Variants in FHIT observed in about 807,000 individuals in gnomAD.
The protein encoded by FHIT is fragile histidine triad diadenosine triphosphatase.
Under a neutral mutation model 17.9 loss-of-function variants are expected in FHIT, and 19 were observed. The observed-to-expected ratio is 1.06, with a 90% CI of 0.74 to 1.56. The LOEUF (loss-of-function observed/expected upper bound fraction) is 1.56, where lower values mean the gene tolerates loss of function less well. Among genes scored for constraint, FHIT ranks in the 40% most tolerant of loss-of-function variants. FHIT has a pLI of 0.00. For synonymous variants in FHIT, 81 were observed against 69.7 expected, an observed-to-expected ratio of 1.16 and a Z score of -0.81; for missense variants, 248 against 189.2, an observed-to-expected ratio of 1.31 and a Z score of -1.82.
intron 5 of FHIT, among the ~76,000 whole-genome samples, chr3:60,137,738 A>C (rs1037993745): frequency 1.4e-5 from 2 of 140,796 alleles, no homozygotes; most frequent in African/African-American, 6.1e-5. Flanking sequence ...CACTTCAGAC[A>C]AGTCAGCACT....
chr3:60,466,084 C>T (rs1054014682), intron 5 of FHIT, among the ~76,000 whole-genome samples: 20 of 152,064 alleles, frequency 1.3e-4, no homozygotes, highest in Middle Eastern at 3.4e-3. Context: ...TTATAGATTT[C>T]ACTGTGGACA....
intron 4 of FHIT, among the ~76,000 whole-genome samples, chr3:60,658,320 T>C (rs986824239): frequency 1.3e-5 from 2 of 152,186 alleles, no homozygotes; most frequent in Non-Finnish European, 2.9e-5. Context: ...TGTCCCATTT[T>C]GCTATTGATT....
intron 4 of FHIT, among the ~76,000 whole-genome samples, chr3:60,604,253 G>A (rs1158425): frequency 0.76 from 115,420 of 152,088 alleles, 44,126 homozygotes; most frequent in African/African-American, 0.84. Flanking sequence ...AATTAATTAA[G>A]TACTTTTGAC....
chr3:60,759,601 G>T (rs1310680720), intron 4 of FHIT, among the ~76,000 whole-genome samples: 1 of 152,186 alleles, frequency 6.6e-6, no homozygotes, highest in Non-Finnish European at 1.5e-5. Context: ...AAAAAGGCCA[G>T]TGTGGTTAAG....
At position 60,663,032 on chromosome 3, in the gene FHIT, A is replaced by C. The variant is rs183700172; in HGVS notation, c.-17-126053T>G. On this transcript the variant is annotated intron_variant, in intron 4 of 9. Coordinates refer to ENST00000492590, the MANE Select transcript of FHIT (RefSeq NM_002012.4). ...TGCTTTTGCATCTTTGTCAAAAATCATTTGAGCCTATTTATGGAAGTCTAT... is the reference window on the plus strand; with the variant it reads ...TGCTTTTGCATCTTTGTCAAAAATCCTTTGAGCCTATTTATGGAAGTCTAT... Among the ~76,000 whole-genome samples the C allele has an allele frequency of 8.9e-4, 134 of 151,176 alleles. 1 individual carries two copies. Among genetic ancestry groups the C allele is most frequent in the African/African-American group, 3.1e-3 (128 of 41,190 alleles).
At chr3:60,298,673 G>GGC (rs1708317359) in intron 5 of FHIT, among the ~76,000 whole-genome samples, 1 of 151,970 alleles carries the variant, frequency 6.6e-6, no homozygotes, top group African/African-American at 2.4e-5. Flanking sequence ...ATCACAAAGT[G>GGC]GTATTAAATT....
rs115683043 is a variant in FHIT, at chr3:59,774,986, C to T, written c.349-22665G>A. ...GAGCTTAGGCTTCATCTCAGACCGA[C>T]TGAACTAAAAACTCTATTTTAACAA... On this transcript the variant is annotated intron_variant, in intron 8 of 9. Coordinates refer to ENST00000492590, the MANE Select transcript of FHIT (RefSeq NM_002012.4). Among the ~76,000 whole-genome samples, 207 of 152,306 alleles carry T rather than the reference C, an allele frequency of 1.4e-3. 2 individuals carry two copies. Among genetic ancestry groups the T allele is most frequent in the Non-Finnish European group, 2.2e-3 (148 of 68,020 alleles).
chr3:60,292,781 C>G (rs1708045437), intron 5 of FHIT, among the ~76,000 whole-genome samples: 1 of 152,016 alleles, frequency 6.6e-6, no homozygotes, highest in Admixed American at 6.6e-5. Context: ...AAAAAGTGTG[C>G]AACTCTTTTA....
At chr3:59,951,471 T>C (rs74461300) in intron 7 of FHIT, among the ~76,000 whole-genome samples, 6,904 of 152,282 alleles carry the variant, frequency 0.045, 222 homozygotes, top group Admixed American at 0.098. Context: ...CACTTTCTGC[T>C]AATTGTCTTT....
At chr3:60,322,221 C>A (rs936571170) in intron 5 of FHIT, among the ~76,000 whole-genome samples, 1 of 152,100 alleles carries the variant, frequency 6.6e-6, no homozygotes, top group Non-Finnish European at 1.5e-5. Flanking sequence ...TCAGGAGATC[C>A]TGGAGTATAT....
chr3:60,084,240 T>C (rs185493674), intron 5 of FHIT, among the ~76,000 whole-genome samples: 7 of 152,300 alleles, frequency 4.6e-5, no homozygotes, highest in East Asian at 3.9e-4. Flanking sequence ...TTGTAGTCTT[T>C]GAATTTATTT....
At chr3:59,820,816 A>C (rs746160469) in intron 8 of FHIT, among the ~76,000 whole-genome samples, 18 of 152,180 alleles carry the variant, frequency 1.2e-4, no homozygotes, top group Non-Finnish European at 1.5e-5. Flanking sequence ...GCAAGAGAAA[A>C]GAACAATGTG....
At chr3:60,286,411 G>C (rs964827707) in intron 5 of FHIT, among the ~76,000 whole-genome samples, 8 of 152,006 alleles carry the variant, frequency 5.3e-5, no homozygotes, top group Admixed American at 4.6e-4. Flanking sequence ...TTTTATCTCA[G>C]AATTCTAAGT....
chr3:60,212,738 G>A (rs1340232560), intron 5 of FHIT, among the ~76,000 whole-genome samples: 1 of 152,120 alleles, frequency 6.6e-6, no homozygotes, highest in Non-Finnish European at 1.5e-5. Context: ...ACAGAGGACA[G>A]GAAATAATAC....
chr3:60,261,366 C>A (rs762267211), intron 5 of FHIT, among the ~76,000 whole-genome samples: 1 of 151,852 alleles, frequency 6.6e-6, no homozygotes, highest in Non-Finnish European at 1.5e-5. Context: ...TGGTACCAAT[C>A]GCAAGGAACG....
chr3:61,093,723 A>C (rs1314480509), intron 2 of FHIT, among the ~76,000 whole-genome samples: 1 of 152,182 alleles, frequency 6.6e-6, no homozygotes, highest in East Asian at 1.9e-4. Context: ...ATGTAACATC[A>C]CCTACCTCAA....
chr3:60,212,510 G>C (rs1703501373), intron 5 of FHIT, among the ~76,000 whole-genome samples: 1 of 151,966 alleles, frequency 6.6e-6, no homozygotes, highest in Non-Finnish European at 1.5e-5. Context: ...ATCTATTTTG[G>C]GATAATATAA....
intron 4 of FHIT, among the ~76,000 whole-genome samples, chr3:60,784,706 T>C (rs1700504828): frequency 6.6e-6 from 1 of 152,192 alleles, no homozygotes. Flanking sequence ...GGACTGAATG[T>C]TTGTGTCCCT....
chr3:60,952,170 C>CCT (rs1491535993), intron 3 of FHIT, among the ~76,000 whole-genome samples: 2 of 93,568 alleles, frequency 2.1e-5, no homozygotes, highest in African/African-American at 9.1e-5. Context: ...GTCCTCCCCA[C>CCT]CCCCCCCCCA....
Sources: allele counts gnomAD v4.1 joint callset (sites outside exome capture counted in the v4.1 genomes callset), GRCh38; gene constraint gnomAD v4.1.1; transcripts MANE v1.5; gene names NCBI Gene and HGNC (gene_info 2026-07-23, HGNC 2026-07-21).